Variants in THRB observed in about 807,000 individuals in gnomAD.
THRB encodes nuclear receptor subfamily 1 group A member 2.
Under a neutral mutation model 47.8 loss-of-function variants are expected in THRB, and 12 were observed. The observed-to-expected ratio is 0.25, with a 90% CI of 0.16 to 0.41. The LOEUF (loss-of-function observed/expected upper bound fraction) is 0.41. Among genes scored for constraint, THRB ranks in the 10% least tolerant of loss-of-function variants. The probability of loss-of-function intolerance (pLI) is 1.00; values close to 1 mark genes in which losing one functional copy is unlikely to be tolerated. For synonymous variants in THRB, 218 were observed against 212.2 expected, an observed-to-expected ratio of 1.03 and a Z score of -0.24; for missense variants, 348 against 589.2, an observed-to-expected ratio of 0.59 and a Z score of 4.24.
intron 2 of THRB, among the ~76,000 whole-genome samples, chr3:24,298,110 T>A (rs1489462052): frequency 6.6e-6 from 1 of 152,222 alleles, no homozygotes; most frequent in African/African-American, 2.4e-5. Context: ...ATATGAAATG[T>A]GAGAAAATGA....
chr3:24,135,486 G>C (rs1449870), intron 8 of THRB, among the ~76,000 whole-genome samples: 59,875 of 151,836 alleles, frequency 0.39, 13,897 homozygotes, highest in African/African-American at 0.65. Flanking sequence ...CAATGATTGA[G>C]AATGTTTTGG....
At position 24,245,926 on chromosome 3, in the gene THRB, GCAAAA is replaced by G. The variant is rs111771093; in HGVS notation, c.-42-16930_-42-16926del. Among the ~76,000 whole-genome samples the G allele has an allele frequency of 5.3e-5, 8 of 151,742 alleles. No individual in the cohort carries two copies. The South Asian group carries it at 8.3e-4, about 16-fold the overall frequency. On this transcript the variant is annotated intron_variant, in intron 3 of 10. Coordinates refer to ENST00000646209, the MANE Select transcript of THRB (RefSeq NM_001354712.2). ...AGACTCTGTCACAAAACAATACAAAGCAAAACAAAACAAAACAAACAGAGGGTCTT... is the reference window on the plus strand; with the variant it reads ...AGACTCTGTCACAAAACAATACAAAGCAAAACAAAACAAACAGAGGGTCTT...
intron 4 of THRB, among the ~76,000 whole-genome samples, chr3:24,198,608 TC>T (rs1031432256): frequency 2.0e-5 from 3 of 152,060 alleles, no homozygotes; most frequent in Non-Finnish European, 4.4e-5. Flanking sequence ...TCAGTTTCAG[TC>T]CTATCCACAC....
intron 1 of THRB, among the ~76,000 whole-genome samples, chr3:24,367,708 T>C (rs1315543881): frequency 6.6e-6 from 1 of 152,212 alleles, no homozygotes; most frequent in African/African-American, 2.4e-5. Flanking sequence ...TTCTTGTCAG[T>C]TAGGCTGGAT....
At chr3:24,148,712 T>C (rs747163795) in intron 6 of THRB, among the ~76,000 whole-genome samples, 18 of 152,180 alleles carry the variant, frequency 1.2e-4, no homozygotes, top group Non-Finnish European at 1.6e-4. Context: ...TATATACGTA[T>C]ACCCTATTGC....
At position 24,419,355 on chromosome 3, in the gene THRB, G is replaced by A. The variant is rs115840986; in HGVS notation, c.-261+75297C>T. Among the ~76,000 whole-genome samples, 711 of 151,944 alleles carry A rather than the reference G, an allele frequency of 4.7e-3. 7 individuals are homozygous for A. The highest frequency in any genetic ancestry group is 0.016 in the African/African-American group (682 of 41,534). On this transcript the variant is annotated intron_variant, in intron 1 of 10. Transcript: ENST00000646209. ...CCAAGCAAAGAACTTTCAGGGTATT[G>A]AGATAAAAGATCCCTCCTCTATTCT...
At chr3:24,320,565 GA>G (rs1227892576) in intron 2 of THRB, among the ~76,000 whole-genome samples, 1 of 152,118 alleles carries the variant, frequency 6.6e-6, no homozygotes, top group East Asian at 1.9e-4. Context: ...TGTTTTGGCA[GA>G]AGATTTAATT....
rs146405384 is a variant in THRB at position 24,250,660 on chromosome 3, C to T, written c.-42-21659G>A. The stretch of plus-strand genomic sequence containing the variant: ...AGGCTGCAGTGAGCTATGGTTGCAC[C>T]ACTGTACTCCAGCCTGGGCAACAGA... On this transcript the variant is annotated intron_variant, in intron 3 of 10. Transcript: ENST00000646209. Among the ~76,000 whole-genome samples, 85 of 152,226 alleles carry T rather than the reference C, an allele frequency of 5.6e-4. 1 individual carries two copies. Among genetic ancestry groups the T allele is most frequent in the African/African-American group, 2.0e-3 (84 of 41,532 alleles).
At chr3:24,243,362 A>G (rs1048394920) in intron 3 of THRB, among the ~76,000 whole-genome samples, 2 of 150,866 alleles carry the variant, frequency 1.3e-5, no homozygotes, top group Non-Finnish European at 1.5e-5. Flanking sequence ...GGCTCCCACA[A>G]GGATCTGCCC....
At chr3:24,317,244 T>C (rs1261989264) in intron 2 of THRB, among the ~76,000 whole-genome samples, 1 of 152,140 alleles carries the variant, frequency 6.6e-6, no homozygotes, top group African/African-American at 2.4e-5. Flanking sequence ...AGTTTCCCCA[T>C]ATGTGGAAAC....
At chr3:24,157,806 CAGGCATGAG>C in intron 5 of THRB, among the ~76,000 whole-genome samples, 1 of 152,332 alleles carries the variant, frequency 6.6e-6, no homozygotes, top group Non-Finnish European at 1.5e-5. Flanking sequence ...GTTGGGACTA[CAGGCATGAG>C]CCACAGTGCT....
At chr3:24,299,268 A>G (rs898380479) in intron 2 of THRB, among the ~76,000 whole-genome samples, 13 of 151,004 alleles carry the variant, frequency 8.6e-5, no homozygotes, top group Admixed American at 1.3e-4. Flanking sequence ...AAAAAAAAAA[A>G]AAAAAGAAAA....
chr3:24,313,663 C>A (rs2057912576), intron 2 of THRB, among the ~76,000 whole-genome samples: 1 of 152,124 alleles, frequency 6.6e-6, no homozygotes, highest in Admixed American at 6.5e-5. Flanking sequence ...CCTTAAAATG[C>A]AACCTCATTT....
chr3:24,192,879 C>T (rs1169794907), intron 4 of THRB, among the ~76,000 whole-genome samples: 1 of 152,170 alleles, frequency 6.6e-6, no homozygotes, highest in Non-Finnish European at 1.5e-5. Flanking sequence ...TATTCAGTTG[C>T]TTAACTGGCA....
At chr3:24,156,210 CA>C (rs985560911) in intron 5 of THRB, among the ~76,000 whole-genome samples, 46 of 152,204 alleles carry the variant, frequency 3.0e-4, no homozygotes, top group African/African-American at 9.2e-4. Context: ...ATTTGCACTA[CA>C]AAGGATGCAA....
chr3:24,196,245 G>A (rs2043940213), intron 4 of THRB, among the ~76,000 whole-genome samples: 1 of 152,120 alleles, frequency 6.6e-6, no homozygotes, highest in South Asian at 2.1e-4. Context: ...GCCAAGGACT[G>A]TAAACTTTGA....
intron 1 of THRB, among the ~76,000 whole-genome samples, chr3:24,421,045 G>T (rs1284812515): frequency 1.3e-5 from 2 of 151,914 alleles, no homozygotes; most frequent in Non-Finnish European, 2.9e-5. Flanking sequence ...CATATCTTTT[G>T]CAGGAAGATG....
At chr3:24,262,004 T>C (rs1303716249) in intron 3 of THRB, among the ~76,000 whole-genome samples, 1 of 152,204 alleles carries the variant, frequency 6.6e-6, no homozygotes, top group Non-Finnish European at 1.5e-5. Context: ...GCTTTAAATA[T>C]TATTCATAAG....
chr3:24,207,874 G>A (rs1030624720), intron 4 of THRB, among the ~76,000 whole-genome samples: 9 of 152,102 alleles, frequency 5.9e-5, no homozygotes, highest in African/African-American at 2.2e-4. Context: ...AGAAATATAT[G>A]GTATTCAATT....
Sources: allele counts gnomAD v4.1 joint callset (sites outside exome capture counted in the v4.1 genomes callset), GRCh38; gene constraint gnomAD v4.1.1; transcripts MANE v1.5; gene names NCBI Gene and HGNC (gene_info 2026-07-23, HGNC 2026-07-21).